The following TMEM163 variants were observed in gnomAD, a reference collection of about 807,000 sequenced individuals.
TMEM163 encodes transmembrane protein 163.
TMEM163 carries 17 observed loss-of-function variants against 29.3 expected under a neutral mutation model. That is an observed-to-expected ratio of 0.58 (90% confidence interval 0.40 to 0.87). The LOEUF (loss-of-function observed/expected upper bound fraction) is 0.87. Among genes scored for constraint, TMEM163 ranks in the 40% least tolerant of loss-of-function variants. The probability of loss-of-function intolerance (pLI) is 0.00; values close to 1 mark genes in which losing one functional copy is unlikely to be tolerated. For missense variants in TMEM163, 303 were observed against 381.5 expected (o/e 0.79, Z 1.71); for synonymous variants, 157 against 160.6 (o/e 0.98, Z 0.17).
chr2:134,710,400 A>C (rs58473056), intron 2 of TMEM163, among the ~76,000 whole-genome samples: 4,320 of 152,256 alleles, frequency 0.028, 233 homozygotes, highest in African/African-American at 0.099. Context: ...CTCAGCTAAA[A>C]ATCAGTAACT....
intron 2 of TMEM163, among the ~76,000 whole-genome samples, chr2:134,560,317 G>C (rs564099193): frequency 6.6e-6 from 1 of 152,248 alleles, no homozygotes; most frequent in African/African-American, 2.4e-5. Flanking sequence ...CAAAAGCTTT[G>C]AATGTTTGTT....
At chr2:134,611,766 C>G (rs1379236373) in intron 2 of TMEM163, among the ~76,000 whole-genome samples, 1 of 152,070 alleles carries the variant, frequency 6.6e-6, no homozygotes, top group Non-Finnish European at 1.5e-5. Context: ...CACGGCTGTC[C>G]AGAGAGAGAA....
chr2:134,681,080 G>A (rs556592708), intron 2 of TMEM163, among the ~76,000 whole-genome samples: 29 of 152,260 alleles, frequency 1.9e-4, no homozygotes, highest in African/African-American at 6.7e-4. Flanking sequence ...TCATTCAAGG[G>A]TGCCTTAATA....
At position 134,648,705 on chromosome 2, in the gene TMEM163, C is replaced by T. The variant is rs117855996; in HGVS notation, c.322+64495G>A. Among the ~76,000 whole-genome samples the T allele has an allele frequency of 6.2e-4, 94 of 152,296 alleles. 2 individuals are homozygous for T. In the East Asian group the frequency reaches 0.013, roughly 21 times the overall value. ...GATAACTCCACACAGACTGATAACT[C>T]ATCAATCTGTGTAAGTGTTGTTGCT... On this transcript the variant is annotated intron_variant, in intron 2 of 7. Coordinates refer to ENST00000281924, the MANE Select transcript of TMEM163 (RefSeq NM_030923.5).
intron 2 of TMEM163, among the ~76,000 whole-genome samples, chr2:134,705,466 A>G (rs1574353475): frequency 6.6e-6 from 1 of 151,986 alleles, no homozygotes; most frequent in East Asian, 1.9e-4. Context: ...AAGAAAACCA[A>G]CCCTGCTGAC....
chr2:134,495,206 C>T (rs1679523167), intron 5 of TMEM163, among the ~76,000 whole-genome samples: 1 of 152,174 alleles, frequency 6.6e-6, no homozygotes, highest in South Asian at 2.1e-4. Flanking sequence ...GGCTTGGCCA[C>T]AAGTGGCTAG....
intron 5 of TMEM163, among the ~76,000 whole-genome samples, chr2:134,500,866 C>T (rs1286922453): frequency 6.6e-6 from 1 of 152,054 alleles, no homozygotes; most frequent in Non-Finnish European, 1.5e-5. Flanking sequence ...TACAAAATTA[C>T]AGCTAGATAG....
chr2:134,629,341 C>T (rs150751556), intron 2 of TMEM163, among the ~76,000 whole-genome samples: 2 of 152,238 alleles, frequency 1.3e-5, no homozygotes, highest in African/African-American at 2.4e-5. Flanking sequence ...ATATATTAAT[C>T]GTTTCTTCTC....
chr2:134,558,352 G>T (rs1009740463), intron 2 of TMEM163, among the ~76,000 whole-genome samples: 3 of 152,162 alleles, frequency 2.0e-5, no homozygotes, highest in African/African-American at 7.2e-5. Flanking sequence ...TTTCATTTAC[G>T]TGTCAAAGGG....
intron 2 of TMEM163, among the ~76,000 whole-genome samples, chr2:134,606,757 G>C (rs1410171271): frequency 2.0e-5 from 3 of 152,216 alleles, no homozygotes; most frequent in African/African-American, 7.2e-5. Context: ...GGAAAGGGTG[G>C]CCACAGCACT....
At chr2:134,613,547 C>T (rs576799536) in intron 2 of TMEM163, among the ~76,000 whole-genome samples, 4 of 151,922 alleles carry the variant, frequency 2.6e-5, no homozygotes, top group African/African-American at 9.7e-5. Flanking sequence ...GACAACAGTA[C>T]AATTAATGGT....
chr2:134,646,078 A>C (rs888336879), intron 2 of TMEM163, among the ~76,000 whole-genome samples: 5 of 151,144 alleles, frequency 3.3e-5, no homozygotes, highest in African/African-American at 1.2e-4. Context: ...TCAATGTGTA[A>C]CTTGCGGAAT....
chr2:134,528,616 G>A lies in TMEM163; in HGVS notation c.458+21954C>T, dbSNP rs976698418. Among the ~76,000 whole-genome samples, 7 of 152,270 alleles carry A rather than the reference G, an allele frequency of 4.6e-5. No individual in the cohort carries two copies. In the South Asian group the frequency reaches 8.3e-4, roughly 18 times the overall value. ...TAACATCTCTAGGGTCAATTCTTAAGCCATTTGAAAAGTGAAAAAAAGTTG... is the reference window on the plus strand; with the variant it reads ...TAACATCTCTAGGGTCAATTCTTAAACCATTTGAAAAGTGAAAAAAAGTTG... On this transcript the variant is annotated intron_variant, in intron 4 of 7. Transcript: ENST00000281924.
chr2:134,605,663 G>A (rs1250728070), intron 2 of TMEM163, among the ~76,000 whole-genome samples: 1 of 151,452 alleles, frequency 6.6e-6, no homozygotes, highest in Non-Finnish European at 1.5e-5. Context: ...TCCAGCCTGG[G>A]TGATGAGAAT....
chr2:134,497,190 G>A (rs1679586840), intron 5 of TMEM163, among the ~76,000 whole-genome samples: 1 of 152,158 alleles, frequency 6.6e-6, no homozygotes, highest in Admixed American at 6.5e-5. Flanking sequence ...CTCCTTGGTA[G>A]CAAAAGCCAA....
chr2:134,623,117 T>C (rs924144181), intron 2 of TMEM163, among the ~76,000 whole-genome samples: 2 of 152,182 alleles, frequency 1.3e-5, no homozygotes, highest in African/African-American at 4.8e-5. Flanking sequence ...CAGCACCAAG[T>C]CTTCCCTCCC....
chr2:134,670,042 T>A (rs530078051), intron 2 of TMEM163, among the ~76,000 whole-genome samples: 2 of 152,194 alleles, frequency 1.3e-5, no homozygotes, highest in Non-Finnish European at 2.9e-5. Context: ...ACCGAAACCA[T>A]AAGCAATAAA....
At chr2:134,457,305 A>AG (rs1262582505) in intron 7 of TMEM163, among the ~76,000 whole-genome samples, 3 of 152,284 alleles carry the variant, frequency 2.0e-5, no homozygotes, top group Admixed American at 1.3e-4. Context: ...GTGTATACCA[A>AG]GGACTGGAAG....
intron 4 of TMEM163, among the ~76,000 whole-genome samples, chr2:134,505,968 G>A (rs1289294366): frequency 6.6e-6 from 1 of 152,084 alleles, no homozygotes; most frequent in African/African-American, 2.4e-5. Flanking sequence ...CTGACTGATC[G>A]TAAGCTCCCC....
Sources: gnomAD v4.1 joint callset for allele counts (sites outside exome capture counted in the v4.1 genomes callset) on GRCh38, gnomAD v4.1.1 for gene constraint, MANE v1.5 for transcripts, NCBI Gene and HGNC (gene_info 2026-07-23, HGNC 2026-07-21) for gene names.